The following RALYL variants were observed in gnomAD, a reference collection of about 807,000 sequenced individuals.
The protein encoded by RALYL is RALY RNA binding protein like.
In RALYL, 29 loss-of-function variants were observed where a neutral mutation model predicts 35.1. The ratio of observed to expected loss-of-function variants is 0.83; its 90% CI spans 0.61 to 1.13. RALYL has a LOEUF of 1.13. Ranked by LOEUF, RALYL falls within the 50% of genes most tolerant of loss-of-function variation. The probability of loss-of-function intolerance (pLI) is 0.00; values close to 1 mark genes in which losing one functional copy is unlikely to be tolerated. For synonymous variants in RALYL, 120 were observed against 127.6 expected, an observed-to-expected ratio of 0.94 and a Z score of 0.40; for missense variants, 359 against 360.4, an observed-to-expected ratio of 1.00 and a Z score of 0.03.
intron 2 of RALYL, among the ~76,000 whole-genome samples, chr8:84,752,061 A>G (rs1810175663): frequency 6.6e-6 from 1 of 152,180 alleles, no homozygotes; most frequent in Admixed American, 6.5e-5. Context: ...AATTTCCTAG[A>G]GACTTGTCAT....
At chr8:84,600,594 C>G (rs1815701321) in intron 2 of RALYL, among the ~76,000 whole-genome samples, 1 of 152,118 alleles carries the variant, frequency 6.6e-6, no homozygotes, top group Non-Finnish European at 1.5e-5. Context: ...TGCTTTCCTT[C>G]TAGATCTCAC....
intron 2 of RALYL, among the ~76,000 whole-genome samples, chr8:84,669,595 G>T (rs1832824987): frequency 2.0e-5 from 3 of 149,510 alleles, no homozygotes; most frequent in Admixed American, 1.4e-4. Flanking sequence ...GTGATATTTG[G>T]TATTCTGTTC....
chr8:84,301,785 A>G (rs1210857403), intron 1 of RALYL, among the ~76,000 whole-genome samples: 1 of 152,088 alleles, frequency 6.6e-6, no homozygotes, highest in Non-Finnish European at 1.5e-5. Flanking sequence ...AAACATTGAG[A>G]AAGTGTTTTT....
chr8:84,601,444 C>G (rs899902708), intron 2 of RALYL, among the ~76,000 whole-genome samples: 6 of 152,074 alleles, frequency 3.9e-5, no homozygotes, highest in Admixed American at 3.3e-4. Flanking sequence ...AACTAAACAT[C>G]CACTTTCTCG....
intron 2 of RALYL, among the ~76,000 whole-genome samples, chr8:84,614,749 C>T (rs143642720): frequency 1.1e-4 from 16 of 150,042 alleles, no homozygotes; most frequent in Middle Eastern, 3.5e-3. Context: ...GCTAAGACTA[C>T]AGTCAGATTG....
chr8:84,575,473 G>T (rs1020285184), intron 2 of RALYL, among the ~76,000 whole-genome samples: 3 of 152,054 alleles, frequency 2.0e-5, no homozygotes, highest in Non-Finnish European at 4.4e-5. Flanking sequence ...CGTTACTGCT[G>T]GTCAATAATT....
intron 2 of RALYL, among the ~76,000 whole-genome samples, chr8:84,542,255 G>T (rs2060071127): frequency 6.6e-6 from 1 of 151,566 alleles, no homozygotes; most frequent in African/African-American, 2.4e-5. Context: ...CTCAGTACCT[G>T]GATTGTTTTG....
At chr8:84,413,021 G>T (rs1470287103) in intron 1 of RALYL, among the ~76,000 whole-genome samples, 1 of 151,470 alleles carries the variant, frequency 6.6e-6, no homozygotes, top group Non-Finnish European at 1.5e-5. Flanking sequence ...GAAGAAAAAA[G>T]AATAAAAGTT....
At chr8:84,360,877 A>C (rs1226274944) in intron 1 of RALYL, among the ~76,000 whole-genome samples, 2 of 151,764 alleles carry the variant, frequency 1.3e-5, no homozygotes, top group Non-Finnish European at 2.9e-5. Flanking sequence ...TTCTTCAGGG[A>C]GTCAGGTTTC....
rs544149088 is a variant in RALYL, at chr8:84,887,874, T to C, written c.858+98T>C. 1,061 of 1,073,196 alleles carry C rather than the reference T, an allele frequency of 9.9e-4. 11 individuals carry two copies. The highest frequency in any genetic ancestry group is 1.1e-4 in the Non-Finnish European group (78 of 731,466). 66.5% of individuals were successfully genotyped at this position (1,073,196 alleles called of 1,614,324 possible). A position where few individuals can be genotyped will look rare whatever the true frequency, so the allele number is the denominator to read the frequency against. Reference sequence around the variant, plus strand: ...AAATAAGGATTAAATCATTTGGGGCTTATTTCTCTTATATGCATATATTTA... The same window carrying C: ...AAATAAGGATTAAATCATTTGGGGCCTATTTCTCTTATATGCATATATTTA... On this transcript the variant is annotated intron_variant, in intron 8 of 8. Coordinates refer to ENST00000521268, the MANE Select transcript of RALYL (RefSeq NM_173848.7).
intron 7 of RALYL, among the ~76,000 whole-genome samples, chr8:84,877,907 C>T (rs543637022): frequency 1.3e-5 from 2 of 152,186 alleles, no homozygotes; most frequent in African/African-American, 2.4e-5. Context: ...GTGATGCTTC[C>T]GGTTAAAGAT....
At chr8:84,520,466 C>T (rs1293441279) in intron 1 of RALYL, among the ~76,000 whole-genome samples, 5 of 152,078 alleles carry the variant, frequency 3.3e-5, no homozygotes, top group African/African-American at 1.2e-4. Context: ...TGATATTTAA[C>T]TTTTCTTCTT....
At chr8:84,473,740 A>T (rs1357149898) in intron 1 of RALYL, among the ~76,000 whole-genome samples, 3 of 151,804 alleles carry the variant, frequency 2.0e-5, no homozygotes, top group African/African-American at 7.2e-5. Context: ...TTCAGTTGAG[A>T]AAATGTGATC....
intron 1 of RALYL, among the ~76,000 whole-genome samples, chr8:84,315,412 C>T (rs1297778891): frequency 6.6e-6 from 1 of 152,008 alleles, no homozygotes; most frequent in African/African-American, 2.4e-5. Context: ...GAACAAAGAA[C>T]ATTTGTACAT....
chr8:84,621,469 C>T (rs898260488), intron 2 of RALYL, among the ~76,000 whole-genome samples: 8 of 152,116 alleles, frequency 5.3e-5, no homozygotes, highest in Non-Finnish European at 7.4e-5. Flanking sequence ...GCACAGTGCA[C>T]GCACCCACTG....
intron 2 of RALYL, chr8:84,678,734 C>T (rs1379379915): frequency 6.6e-6 from 1 of 152,156 alleles, no homozygotes; most frequent in East Asian, 1.9e-4. Context: ...AGCAACAGTG[C>T]ATAAAAGAAA....
At chr8:84,665,783 T>C (rs2131726962) in intron 2 of RALYL, 1 of 152,138 alleles carries the variant, frequency 6.6e-6, no homozygotes, top group African/African-American at 2.4e-5. Flanking sequence ...CTTCACAAAT[T>C]TGCATGTAAT....
intron 2 of RALYL, among the ~76,000 whole-genome samples, chr8:84,604,076 C>G (rs1319661937): frequency 6.6e-6 from 1 of 152,034 alleles, no homozygotes; most frequent in Non-Finnish European, 1.5e-5. Flanking sequence ...CTTCTTCCAC[C>G]CTCACAGTTT....
In RALYL at chr8:84,904,041, C is replaced by T. The variant is rs185596626; in HGVS notation, c.858+16265C>T. ...TTGGGGAGAAAGGGTTGCAGGCAGG[C>T]CGCTTCATTCTCAAATCGCAGATTA... On this transcript the variant is annotated intron_variant, in intron 8 of 8. Transcript: ENST00000521268. Among the ~76,000 whole-genome samples, 702 of 152,286 alleles carry T rather than the reference C, an allele frequency of 4.6e-3. 3 individuals are homozygous for T. The highest frequency in any genetic ancestry group is 0.025 in the South Asian group (123 of 4,832).
Sources: gnomAD v4.1 joint callset for allele counts (sites outside exome capture counted in the v4.1 genomes callset) on GRCh38, gnomAD v4.1.1 for gene constraint, MANE v1.5 for transcripts, NCBI Gene and HGNC (gene_info 2026-07-23, HGNC 2026-07-21) for gene names.